HS6ST3: variants seen among roughly 807,000 people sequenced by gnomAD.
HS6ST3 encodes heparan sulfate 6-O-sulfotransferase 3.
In HS6ST3, 12 loss-of-function variants were observed where a neutral mutation model predicts 36.7. The ratio of observed to expected loss-of-function variants is 0.33; its 90% CI spans 0.21 to 0.53. HS6ST3 has a LOEUF of 0.53. HS6ST3 is among the 20% of genes least tolerant of loss of function. HS6ST3 has a pLI of 0.95. For synonymous variants in HS6ST3, 240 were observed against 257.5 expected (o/e 0.93, Z 0.65); for missense variants, 584 against 640.9 (o/e 0.91, Z 0.96).
chr13:96,565,953 A>G (rs374775799), intron 1 of HS6ST3, among the ~76,000 whole-genome samples: 1 of 152,198 alleles, frequency 6.6e-6, no homozygotes, highest in Non-Finnish European at 1.5e-5. Flanking sequence ...CATAATCAGG[A>G]TCAGAATAAA....
intron 1 of HS6ST3, among the ~76,000 whole-genome samples, chr13:96,353,493 C>T (rs1433274817): frequency 6.6e-6 from 1 of 151,178 alleles, no homozygotes; most frequent in East Asian, 1.9e-4. Context: ...ACTAAAATTC[C>T]ACGAATAAAG....
intron 1 of HS6ST3, among the ~76,000 whole-genome samples, chr13:96,445,943 C>G (rs544913924): frequency 2.0e-5 from 3 of 151,802 alleles, no homozygotes; most frequent in South Asian, 4.1e-4. Context: ...GAGGCCGAGG[C>G]GGGCAGATCA....
At chr13:96,808,195 G>A (rs1307328621) in intron 1 of HS6ST3, among the ~76,000 whole-genome samples, 2 of 152,186 alleles carry the variant, frequency 1.3e-5, no homozygotes, top group Non-Finnish European at 2.9e-5. Context: ...CCTTTAGTAT[G>A]GATAAGATAT....
chr13:96,550,162 G>T (rs2056214296), intron 1 of HS6ST3, among the ~76,000 whole-genome samples: 1 of 152,168 alleles, frequency 6.6e-6, no homozygotes, highest in African/African-American at 2.4e-5. Context: ...TAATGTTGCA[G>T]ATGGGGCCTA....
At chr13:96,497,667 G>C (rs1035303908) in intron 1 of HS6ST3, among the ~76,000 whole-genome samples, 3 of 152,104 alleles carry the variant, frequency 2.0e-5, no homozygotes, top group Non-Finnish European at 4.4e-5. Flanking sequence ...TTCTGCTTCT[G>C]CCCCTCTGAT....
At chr13:96,137,526 C>T (rs2054008635) in intron 1 of HS6ST3, among the ~76,000 whole-genome samples, 1 of 151,760 alleles carries the variant, frequency 6.6e-6, no homozygotes, top group South Asian at 2.1e-4. Context: ...CTCTGCCTCC[C>T]GGGTTCAAGC....
chr13:96,450,496 C>T (rs1281128921), intron 1 of HS6ST3, among the ~76,000 whole-genome samples: 1 of 152,164 alleles, frequency 6.6e-6, no homozygotes, highest in African/African-American at 2.4e-5. Flanking sequence ...GCTTGCCTAT[C>T]TCTGTGCTTT....
chr13:96,413,215 TAGA>T (rs972890041), intron 1 of HS6ST3, among the ~76,000 whole-genome samples: 12 of 152,212 alleles, frequency 7.9e-5, no homozygotes, highest in Non-Finnish European at 1.5e-4. Context: ...AGCTTCAGAC[TAGA>T]TAATGTTTCA....
At chr13:96,351,404 C>T (rs1282903277) in intron 1 of HS6ST3, among the ~76,000 whole-genome samples, 1 of 150,678 alleles carries the variant, frequency 6.6e-6, no homozygotes, top group Admixed American at 6.6e-5. Context: ...TTACTGCAGC[C>T]TTGACCTACT....
chr13:96,194,396 G>T (rs1223931675), intron 1 of HS6ST3, among the ~76,000 whole-genome samples: 4 of 151,764 alleles, frequency 2.6e-5, no homozygotes, highest in African/African-American at 9.7e-5. Context: ...AAGTATGGAG[G>T]TCTCTATTTT....
At chr13:96,432,938 T>C (rs1249865711) in intron 1 of HS6ST3, among the ~76,000 whole-genome samples, 1 of 152,190 alleles carries the variant, frequency 6.6e-6, no homozygotes, top group Non-Finnish European at 1.5e-5. Flanking sequence ...TTTAAAATAT[T>C]GAAAGTCATA....
intron 1 of HS6ST3, among the ~76,000 whole-genome samples, chr13:96,672,966 T>C (rs1279777664): frequency 6.6e-6 from 1 of 152,132 alleles, no homozygotes; most frequent in Non-Finnish European, 1.5e-5. Context: ...TGTTGTCTCA[T>C]AGTTCTGGAG....
At chr13:96,352,475 T>C (rs865949946) in intron 1 of HS6ST3, among the ~76,000 whole-genome samples, 12 of 152,212 alleles carry the variant, frequency 7.9e-5, no homozygotes, top group Non-Finnish European at 1.6e-4. Context: ...GGCAGCTGGC[T>C]TCCCCAGAGC....
intron 1 of HS6ST3, among the ~76,000 whole-genome samples, chr13:96,788,815 C>G (rs930356146): frequency 2.0e-5 from 3 of 151,826 alleles, no homozygotes; most frequent in South Asian, 2.1e-4. Flanking sequence ...GTCTAGAAGT[C>G]TACTTTGCCT....
At chr13:96,144,350 A>G (rs1293053005) in intron 1 of HS6ST3, among the ~76,000 whole-genome samples, 1 of 152,158 alleles carries the variant, frequency 6.6e-6, no homozygotes, top group African/African-American at 2.4e-5. Flanking sequence ...CAAACTTTTG[A>G]TGCATAAATG....
At chr13:96,761,478 A>G (rs1876969498) in intron 1 of HS6ST3, among the ~76,000 whole-genome samples, 1 of 152,042 alleles carries the variant, frequency 6.6e-6, no homozygotes, top group South Asian at 2.1e-4. Context: ...AAGTAAATAT[A>G]TAAACATCTA....
chr13:96,549,261 C>A lies in HS6ST3; in HGVS notation c.708-283229C>A, dbSNP rs867003480. ...TAAAAATGATTCCTGGATGTGTATG[C>A]AGAATAAAGAACTTCTGTAGCCTGT... On this transcript the variant is annotated intron_variant, in intron 1 of 1. Coordinates refer to ENST00000376705, the MANE Select transcript of HS6ST3 (RefSeq NM_153456.4). 2.6e-5 allele frequency among the ~76,000 whole-genome samples: 4 copies of A among 152,004 alleles called. No homozygotes were observed. In the South Asian group the frequency reaches 6.2e-4, roughly 24 times the overall value.
intron 1 of HS6ST3, among the ~76,000 whole-genome samples, chr13:96,536,829 C>G (rs528964488): frequency 6.6e-6 from 1 of 152,280 alleles, no homozygotes; most frequent in East Asian, 1.9e-4. Context: ...CAGAAACCAC[C>G]AAAGTTGTGT....
chr13:96,614,787 T>C (rs1369218024), intron 1 of HS6ST3, among the ~76,000 whole-genome samples: 1 of 152,188 alleles, frequency 6.6e-6, no homozygotes, highest in African/African-American at 2.4e-5. Context: ...ATGGTTTTGT[T>C]TAATTTCTTT....
Sources: gnomAD v4.1 joint callset for allele counts (sites outside exome capture counted in the v4.1 genomes callset) on GRCh38, gnomAD v4.1.1 for gene constraint, MANE v1.5 for transcripts, NCBI Gene and HGNC (gene_info 2026-07-23, HGNC 2026-07-21) for gene names.